Variants in GNAO1 observed in about 807,000 individuals in gnomAD.
GNAO1 encodes the protein guanine nucleotide-binding protein G(o) subunit alpha.
For missense variants in GNAO1, 166 were observed against 478.7 expected, an observed-to-expected ratio of 0.35 and a Z score of 6.10; for synonymous variants, 164 against 180.7, an observed-to-expected ratio of 0.91 and a Z score of 0.74.
chr16:56,325,068 C>G (rs1299660840), intron 3 of GNAO1, among the ~76,000 whole-genome samples: 2 of 152,230 alleles, frequency 1.3e-5, no homozygotes, highest in East Asian at 3.8e-4. Flanking sequence ...CTTTCAGTAC[C>G]TCCCACTCAC....
At chr16:56,239,059 C>T (rs1234840154) in intron 2 of GNAO1, among the ~76,000 whole-genome samples, 1 of 152,188 alleles carries the variant, frequency 6.6e-6, no homozygotes, top group African/African-American at 2.4e-5. Context: ...CTTTTGTGTC[C>T]TTCTCCCTAC....
At chr16:56,279,418 C>T (rs559035518) in intron 3 of GNAO1, among the ~76,000 whole-genome samples, 4 of 152,296 alleles carry the variant, frequency 2.6e-5, no homozygotes, top group African/African-American at 9.6e-5. Context: ...TCTGTGGTTT[C>T]CACACCCCAG....
At chr16:56,231,623 C>T (rs1213583398) in intron 2 of GNAO1, among the ~76,000 whole-genome samples, 1 of 152,096 alleles carries the variant, frequency 6.6e-6, no homozygotes, top group East Asian at 1.9e-4. Flanking sequence ...GGGACGTGGT[C>T]AAGGAAGAGA....
intron 2 of GNAO1, among the ~76,000 whole-genome samples, chr16:56,237,501 T>C (rs2036649898): frequency 1.3e-5 from 2 of 152,122 alleles, no homozygotes; most frequent in African/African-American, 4.8e-5. Flanking sequence ...GCCACCCCAC[T>C]GCTGCAACCA....
At chr16:56,196,665 C>T (rs910479043) in intron 2 of GNAO1, among the ~76,000 whole-genome samples, 5 of 152,176 alleles carry the variant, frequency 3.3e-5, no homozygotes, top group Non-Finnish European at 7.3e-5. Context: ...GGCTATCTGT[C>T]TCTGGAGCAT....
At chr16:56,294,070 G>T (rs1461457017) in intron 3 of GNAO1, among the ~76,000 whole-genome samples, 2 of 152,196 alleles carry the variant, frequency 1.3e-5, no homozygotes, top group East Asian at 1.9e-4. Flanking sequence ...GCTGAGAAAG[G>T]TTAAGTCGCT....
At chr16:56,318,046 A>C (rs1259052969) in intron 3 of GNAO1, among the ~76,000 whole-genome samples, 1 of 152,188 alleles carries the variant, frequency 6.6e-6, no homozygotes, top group East Asian at 1.9e-4. Context: ...ACAAATGTCT[A>C]ACGTGCGCCC....
At chr16:56,243,530 A>C (rs1189211912) in intron 2 of GNAO1, among the ~76,000 whole-genome samples, 1 of 152,238 alleles carries the variant, frequency 6.6e-6, no homozygotes, top group East Asian at 1.9e-4. Flanking sequence ...CACGCCTCCA[A>C]AGACAATATA....
At chr16:56,285,693 T>C (rs2037159423) in intron 3 of GNAO1, among the ~76,000 whole-genome samples, 1 of 152,248 alleles carries the variant, frequency 6.6e-6, no homozygotes, top group Admixed American at 6.5e-5. Flanking sequence ...AATCAGTACT[T>C]TGGGCCTACC....
intron 3 of GNAO1, among the ~76,000 whole-genome samples, chr16:56,322,041 G>A (rs1331938292): frequency 2.6e-5 from 4 of 152,174 alleles, no homozygotes; most frequent in African/African-American, 7.2e-5. Flanking sequence ...TCTCTTAGAC[G>A]GCCCCTTCTT....
At chr16:56,273,779 A>G (rs541531490) in intron 2 of GNAO1, among the ~76,000 whole-genome samples, 1 of 152,300 alleles carries the variant, frequency 6.6e-6, no homozygotes, top group East Asian at 1.9e-4. Flanking sequence ...CTATGGCATG[A>G]GCCTTCTGGC....
chr16:56,208,370 G>A (rs1439597334), intron 2 of GNAO1, among the ~76,000 whole-genome samples: 15 of 151,788 alleles, frequency 9.9e-5, no homozygotes, highest in African/African-American at 3.6e-4. Context: ...TGTTGATGTG[G>A]CATTTTATCA....
intron 2 of GNAO1, among the ~76,000 whole-genome samples, chr16:56,236,531 TA>T (rs1332734239): frequency 6.6e-6 from 1 of 152,156 alleles, no homozygotes; most frequent in Non-Finnish European, 1.5e-5. Flanking sequence ...GTCAAGTTCA[TA>T]TTGGCCAACA....
intron 2 of GNAO1, among the ~76,000 whole-genome samples, chr16:56,202,947 A>C (rs1165951672): frequency 6.6e-6 from 1 of 152,218 alleles, no homozygotes; most frequent in African/African-American, 2.4e-5. Context: ...AAACAATCGG[A>C]CGCAGTAATT....
intron 2 of GNAO1, among the ~76,000 whole-genome samples, chr16:56,267,170 GGC>G (rs1332563809): frequency 6.6e-6 from 1 of 152,212 alleles, no homozygotes; most frequent in African/African-American, 2.4e-5. Context: ...GTCCAGGCGG[GGC>G]TCTCTCTCCC....
chr16:56,213,128 A>G (rs897556256), intron 2 of GNAO1: 2 of 391,074 alleles, frequency 5.1e-6, no homozygotes, highest in South Asian at 2.9e-4. Context: ...CCGCTCTAGG[A>G]ATTCTTCCAG....
chr16:56,252,874 C>G (rs1014821861), intron 2 of GNAO1, among the ~76,000 whole-genome samples: 2 of 152,212 alleles, frequency 1.3e-5, no homozygotes, highest in East Asian at 1.9e-4. Context: ...CTGTCCCCCC[C>G]ACCAACCCCA....
intron 3 of GNAO1, among the ~76,000 whole-genome samples, chr16:56,303,550 C>T (rs2037364459): frequency 6.6e-6 from 1 of 152,124 alleles, no homozygotes; most frequent in Non-Finnish European, 1.5e-5. Context: ...CATGAGCTGG[C>T]ATCTTGGGTG....
chr16:56,207,588 G>T (rs1446183936), intron 2 of GNAO1, among the ~76,000 whole-genome samples: 2 of 152,134 alleles, frequency 1.3e-5, no homozygotes, highest in African/African-American at 4.8e-5. Context: ...TACCAACTTG[G>T]ATGCTTAAAT....
Sources: allele counts gnomAD v4.1 joint callset (sites outside exome capture counted in the v4.1 genomes callset), GRCh38; gene constraint gnomAD v4.1.1; transcripts MANE v1.5; gene names NCBI Gene and HGNC (gene_info 2026-07-23, HGNC 2026-07-21).